GRIK2: variants seen among roughly 807,000 people sequenced by gnomAD.
GRIK2 encodes the protein glutamate receptor ionotropic, kainate 2.
Under a neutral mutation model 100.3 loss-of-function variants are expected in GRIK2, and 32 were observed. That is an observed-to-expected ratio of 0.32 (90% CI 0.24 to 0.43). GRIK2 has a LOEUF of 0.43. Among genes scored for constraint, GRIK2 ranks in the 20% least tolerant of loss-of-function variants. The pLI is 1.00. For synonymous variants in GRIK2, 417 were observed against 389.4 expected (o/e 1.07, Z -0.83); for missense variants, 843 against 1,114.9 (o/e 0.76, Z 3.47).
At chr6:101,944,955 C>A (rs549005798) in intron 14 of GRIK2, among the ~76,000 whole-genome samples, 2 of 152,018 alleles carry the variant, frequency 1.3e-5, no homozygotes, top group Admixed American at 1.3e-4. Context: ...TTGATGTAAG[C>A]ATTAGTAAAT....
intron 7 of GRIK2, among the ~76,000 whole-genome samples, chr6:101,713,846 C>G (rs1773881777): frequency 6.6e-6 from 1 of 151,678 alleles, no homozygotes; most frequent in African/African-American, 2.4e-5. Context: ...CATCCTTTGC[C>G]TTATCATCTT....
At chr6:101,870,726 T>A (rs1229998425) in intron 11 of GRIK2, among the ~76,000 whole-genome samples, 1 of 151,628 alleles carries the variant, frequency 6.6e-6, no homozygotes, top group South Asian at 2.1e-4. Flanking sequence ...GAAAAAAAAA[T>A]TGGGTAAAGT....
In GRIK2 at chr6:102,035,418, T is replaced by C. The variant is rs893335173; in HGVS notation, c.2163T>C (p.Asn721=). ...SRRQSVLVKS[N]EEGIQRVLTS... Reference sequence around the variant, plus strand: ...GGCAGTCAGTGCTGGTCAAAAGTAATGAAGAAGGAATCCAGCGAGTCCTCA... The same window carrying C: ...GGCAGTCAGTGCTGGTCAAAAGTAACGAAGAAGGAATCCAGCGAGTCCTCA... The change falls in exon 15 of 17, where the codon AAT becomes AAC. Residue 721 remains asparagine, a synonymous_variant. Coordinates refer to ENST00000369134, the MANE Select transcript of GRIK2 (RefSeq NM_021956.5). 7 of 1,609,100 alleles carry C rather than the reference T, an allele frequency of 4.4e-6. No homozygotes were observed. The highest frequency in any genetic ancestry group is 5.9e-6 in the Non-Finnish European group (7 of 1,176,534).
chr6:101,445,617 C>T (rs542361982), intron 2 of GRIK2, among the ~76,000 whole-genome samples: 1 of 152,142 alleles, frequency 6.6e-6, no homozygotes, highest in South Asian at 2.1e-4. Context: ...CTTTCCATTG[C>T]CCTAGTTATT....
chr6:101,600,156 G>A (rs762715027), intron 2 of GRIK2, among the ~76,000 whole-genome samples: 1 of 151,752 alleles, frequency 6.6e-6, no homozygotes, highest in Non-Finnish European at 1.5e-5. Flanking sequence ...TGAATAGGGA[G>A]TCCTTTTTAT....
intron 11 of GRIK2, among the ~76,000 whole-genome samples, chr6:101,882,013 C>T (rs902683605): frequency 2.0e-5 from 3 of 151,990 alleles, no homozygotes; most frequent in African/African-American, 4.8e-5. Context: ...AGGCAAAAGG[C>T]ATGTCTCACA....
chr6:101,846,436 G>A (rs1218546455), intron 10 of GRIK2, among the ~76,000 whole-genome samples: 1 of 152,042 alleles, frequency 6.6e-6, no homozygotes, highest in Non-Finnish European at 1.5e-5. Context: ...TTGTTGAGAA[G>A]TTTTACATCT....
intron 2 of GRIK2, among the ~76,000 whole-genome samples, chr6:101,444,498 A>G (rs1770254943): frequency 6.6e-6 from 1 of 152,126 alleles, no homozygotes; most frequent in Non-Finnish European, 1.5e-5. Flanking sequence ...ACATGGTTTT[A>G]TAATAGCCTT....
intron 7 of GRIK2, among the ~76,000 whole-genome samples, chr6:101,721,605 A>C (rs949825682): frequency 6.6e-6 from 1 of 152,042 alleles, no homozygotes; most frequent in Admixed American, 6.6e-5. Flanking sequence ...CTTGTCTGAA[A>C]AATACATAAA....
chr6:101,966,024 C>T (rs562081390), intron 14 of GRIK2, among the ~76,000 whole-genome samples: 6 of 152,094 alleles, frequency 3.9e-5, no homozygotes, highest in East Asian at 1.9e-4. Context: ...ATAAATATTT[C>T]GTGACTGCAT....
chr6:101,953,115 T>C (rs1178065291), intron 14 of GRIK2, among the ~76,000 whole-genome samples: 1 of 152,224 alleles, frequency 6.6e-6, no homozygotes, highest in African/African-American at 2.4e-5. Context: ...TTCTTCTTTT[T>C]GCAGAATAAT....
chr6:101,967,439 C>CTTT (rs1399923003), intron 14 of GRIK2, among the ~76,000 whole-genome samples: 1 of 151,980 alleles, frequency 6.6e-6, no homozygotes, highest in African/African-American at 2.4e-5. Context: ...TTTACATAAG[C>CTTT]ACTTTTTAAA....
At chr6:102,059,544 C>G (rs761107442) in intron 16 of GRIK2, among the ~76,000 whole-genome samples, 36 of 151,022 alleles carry the variant, frequency 2.4e-4, no homozygotes, top group Non-Finnish European at 4.5e-4. Context: ...TGTCCCTCTT[C>G]TAAGACTTAC....
At chr6:101,529,673 G>C (rs1043208142) in intron 2 of GRIK2, among the ~76,000 whole-genome samples, 1 of 151,984 alleles carries the variant, frequency 6.6e-6, no homozygotes, top group Non-Finnish European at 1.5e-5. Context: ...AAAGAGGGTT[G>C]GTGTCCTAAA....
chr6:101,396,034 C>T (rs1044241221), intron 1 of GRIK2, among the ~76,000 whole-genome samples: 4 of 152,082 alleles, frequency 2.6e-5, no homozygotes, highest in Non-Finnish European at 5.9e-5. Context: ...AAGCAAATTA[C>T]AGAACTGACA....
At chr6:101,926,103 A>C (rs1789872094) in intron 13 of GRIK2, among the ~76,000 whole-genome samples, 2 of 151,172 alleles carry the variant, frequency 1.3e-5, no homozygotes, top group African/African-American at 4.8e-5. Flanking sequence ...GAGCTAACCT[A>C]AGTTTGTGGC....
intron 12 of GRIK2, among the ~76,000 whole-genome samples, chr6:101,906,899 A>T (rs1788270582): frequency 6.6e-6 from 1 of 151,762 alleles, no homozygotes; most frequent in African/African-American, 2.4e-5. Context: ...TTTTCCTCAT[A>T]TGTTATTTTA....
rs142476529 is a variant in GRIK2, at chr6:101,466,850, T to C, written c.115+67458T>C. Reference sequence around the variant, plus strand: ...ATCTAGAAATGTTTGTTGTTGTCTATATAAAGTATGGAATTATAAACATTT... The same window carrying C: ...ATCTAGAAATGTTTGTTGTTGTCTACATAAAGTATGGAATTATAAACATTT... On this transcript the variant is annotated intron_variant, in intron 2 of 16. Transcript: ENST00000369134. 6.0e-4 allele frequency among the ~76,000 whole-genome samples: 91 copies of C among 152,286 alleles called. 1 individual carries two copies. The East Asian group carries it at 0.013, about 22-fold the overall frequency.
intron 10 of GRIK2, among the ~76,000 whole-genome samples, chr6:101,850,768 C>A (rs1315892992): frequency 6.6e-6 from 1 of 151,954 alleles, no homozygotes; most frequent in Non-Finnish European, 1.5e-5. Flanking sequence ...GAATGAAGTG[C>A]CTTTACCTCT....
Sources: allele counts gnomAD v4.1 joint callset (sites outside exome capture counted in the v4.1 genomes callset), GRCh38; gene constraint gnomAD v4.1.1; transcripts MANE v1.5; gene names NCBI Gene and HGNC (gene_info 2026-07-23, HGNC 2026-07-21).